The following KIAA1217 variants were observed in gnomAD, a reference collection of about 807,000 sequenced individuals.
KIAA1217 encodes the protein sickle tail protein homolog.
KIAA1217 carries 88 observed loss-of-function variants against 163.9 expected under a neutral mutation model. The observed-to-expected ratio is 0.54, with a 90% CI of 0.45 to 0.64. The LOEUF is 0.64. KIAA1217 is among the 30% of genes least tolerant of loss of function. The probability of loss-of-function intolerance (pLI) is 0.00; values close to 1 mark genes in which losing one functional copy is unlikely to be tolerated. For missense variants in KIAA1217, 2,372 were observed against 2,475.0 expected (o/e 0.96, Z 0.88); for synonymous variants, 903 against 923.1 (o/e 0.98, Z 0.39).
At chr10:24,454,242 G>T (rs542585766) in intron 5 of KIAA1217, among the ~76,000 whole-genome samples, 1 of 152,184 alleles carries the variant, frequency 6.6e-6, no homozygotes, top group Non-Finnish European at 1.5e-5. Context: ...CAGATAAAAG[G>T]TGTGACTACC....
intron 2 of KIAA1217, chr10:24,367,171 A>G: frequency 1.0e-6 from 1 of 985,492 alleles, no homozygotes; most frequent in Non-Finnish European, 1.2e-6. Context: ...ATTCAAAGGT[A>G]CTTGATGAAA....
chr10:24,065,303 C>T (rs12263412), intron 2 of KIAA1217, among the ~76,000 whole-genome samples: 13,186 of 152,066 alleles, frequency 0.087, 1,103 homozygotes, highest in African/African-American at 0.22. Context: ...TCCCTCTACA[C>T]ACTGCTTTGA....
intron 1 of KIAA1217, among the ~76,000 whole-genome samples, chr10:23,956,510 T>C (rs1844565256): frequency 2.0e-5 from 3 of 152,298 alleles, no homozygotes; most frequent in African/African-American, 7.2e-5. Context: ...GATACTGCCT[T>C]CTAACCCCCT....
intron 3 of KIAA1217, among the ~76,000 whole-genome samples, chr10:24,384,836 G>A (rs2053802024): frequency 6.6e-6 from 1 of 152,210 alleles, no homozygotes; most frequent in African/African-American, 2.4e-5. Context: ...ACACCCACCT[G>A]CTTTTTAAAA....
chr10:23,856,352 G>C (rs534974163), intron 1 of KIAA1217, among the ~76,000 whole-genome samples: 12 of 152,326 alleles, frequency 7.9e-5, no homozygotes, highest in Middle Eastern at 6.8e-3. Flanking sequence ...GAATGCTGCT[G>C]TCTGATCGTT....
At chr10:23,897,257 C>T (rs1841747193) in intron 1 of KIAA1217, among the ~76,000 whole-genome samples, 1 of 152,028 alleles carries the variant, frequency 6.6e-6, no homozygotes, top group African/African-American at 2.4e-5. Flanking sequence ...CATCAACTTC[C>T]TTCATTCTCA....
At chr10:23,750,951 C>T (rs1452548575) in intron 1 of KIAA1217, among the ~76,000 whole-genome samples, 2 of 151,116 alleles carry the variant, frequency 1.3e-5, no homozygotes, top group African/African-American at 4.9e-5. Context: ...CCCTTCCCTT[C>T]CCTTCCCCTC....
intron 2 of KIAA1217, among the ~76,000 whole-genome samples, chr10:24,355,240 C>A (rs1408134461): frequency 6.6e-6 from 1 of 152,170 alleles, no homozygotes; most frequent in Non-Finnish European, 1.5e-5. Flanking sequence ...AGTCTCACAG[C>A]CAGGGATGCA....
At chr10:23,756,925 A>G (rs1833948447) in intron 1 of KIAA1217, among the ~76,000 whole-genome samples, 1 of 152,214 alleles carries the variant, frequency 6.6e-6, no homozygotes, top group Admixed American at 6.5e-5. Flanking sequence ...TACTGTCTGT[A>G]TGATTTCTAT....
intron 2 of KIAA1217, among the ~76,000 whole-genome samples, chr10:24,271,031 GA>G (rs2076724260): frequency 6.6e-6 from 1 of 152,180 alleles, no homozygotes; most frequent in Non-Finnish European, 1.5e-5. Flanking sequence ...TCATTATGGA[GA>G]AAATGATTGA....
At chr10:24,425,661 A>T (rs1204381331) in intron 3 of KIAA1217, among the ~76,000 whole-genome samples, 1 of 152,190 alleles carries the variant, frequency 6.6e-6, no homozygotes, top group Admixed American at 6.5e-5. Flanking sequence ...ATTGTTGGAG[A>T]TTCTCCCTCA....
intron 1 of KIAA1217, among the ~76,000 whole-genome samples, chr10:23,771,834 G>A (rs7903771): frequency 0.077 from 11,693 of 152,206 alleles, 675 homozygotes; most frequent in African/African-American, 0.15. Flanking sequence ...TGTGCCCAGG[G>A]GGACAAGGAT....
At chr10:24,252,462 C>G (rs2074665125) in intron 2 of KIAA1217, among the ~76,000 whole-genome samples, 1 of 152,118 alleles carries the variant, frequency 6.6e-6, no homozygotes, top group Non-Finnish European at 1.5e-5. Flanking sequence ...CACCTGTGGT[C>G]CTAGCTACTC....
chr10:24,328,564 C>T (rs558040973), intron 2 of KIAA1217, among the ~76,000 whole-genome samples: 12 of 151,596 alleles, frequency 7.9e-5, no homozygotes, highest in African/African-American at 2.9e-4. Context: ...AGTTTAAAAA[C>T]AACTTTATTA....
At chr10:23,825,319 A>G (rs1322592305) in intron 1 of KIAA1217, among the ~76,000 whole-genome samples, 1 of 152,210 alleles carries the variant, frequency 6.6e-6, no homozygotes, top group Non-Finnish European at 1.5e-5. Flanking sequence ...CTCAGAACAT[A>G]CTTTCTTGTA....
At chr10:24,434,511 A>G (rs1264451966) in intron 4 of KIAA1217, among the ~76,000 whole-genome samples, 3 of 152,018 alleles carry the variant, frequency 2.0e-5, no homozygotes, top group Admixed American at 6.6e-5. Context: ...CTAATTTTTA[A>G]TCTTTTGTAG....
At chr10:23,827,712 T>A (rs1472452397) in intron 1 of KIAA1217, among the ~76,000 whole-genome samples, 2 of 152,154 alleles carry the variant, frequency 1.3e-5, no homozygotes, top group Non-Finnish European at 2.9e-5. Flanking sequence ...ATTGACTAAG[T>A]CTTTGAGGGT....
At chr10:24,139,031 A>T (rs2063946219) in intron 2 of KIAA1217, among the ~76,000 whole-genome samples, 1 of 152,178 alleles carries the variant, frequency 6.6e-6, no homozygotes. Context: ...CTGTATTAAT[A>T]ATAGTAAACC....
rs531643409 is a variant in KIAA1217, at chr10:24,269,249, G to A, written c.354+49340G>A. 1.5e-4 allele frequency among the ~76,000 whole-genome samples: 22 copies of A among 148,746 alleles called. No homozygotes were observed. In the South Asian group the frequency reaches 1.7e-3, roughly 12 times the overall value. ...AAAAAAAAAAGGATTGTGGCCTGGC[G>A]CAGTGGTTCACACTTGTAATCTCAA... On this transcript the variant is annotated intron_variant, in intron 2 of 20. Transcript: ENST00000376454.
Sources: gnomAD v4.1 joint callset for allele counts (sites outside exome capture counted in the v4.1 genomes callset) on GRCh38, gnomAD v4.1.1 for gene constraint, MANE v1.5 for transcripts, NCBI Gene and HGNC (gene_info 2026-07-23, HGNC 2026-07-21) for gene names.